WDR89: variants seen among roughly 807,000 people sequenced by gnomAD.
WDR89 encodes the protein WD repeat domain 89.
In WDR89, 17 loss-of-function variants were observed where a neutral mutation model predicts 29.1. That is an observed-to-expected ratio of 0.58 (90% CI 0.40 to 0.88). The LOEUF is 0.88. WDR89 is among the 40% of genes least tolerant of loss of function. WDR89 has a pLI of 0.00. For synonymous variants in WDR89, 138 were observed against 157.8 expected (o/e 0.87, Z 0.94); for missense variants, 396 against 456.3 (o/e 0.87, Z 1.20).
chr14:63,626,097 C>A (rs929280725), intron 1 of WDR89, among the ~76,000 whole-genome samples: 1 of 152,010 alleles, frequency 6.6e-6, no homozygotes, highest in South Asian at 2.1e-4. Context: ...CGTGATCCGC[C>A]CACCTTGGCC....
intron 1 of WDR89, among the ~76,000 whole-genome samples, chr14:63,630,293 A>C (rs1255432018): frequency 6.6e-6 from 1 of 151,774 alleles, no homozygotes; most frequent in African/African-American, 2.4e-5. Context: ...TAGAAGATGG[A>C]TTTAAATAGG....
rs955889895 is a variant in WDR89 at position 63,598,128 on chromosome 14, T to G, written c.*651A>C. On this transcript the variant is annotated 3_prime_UTR_variant, in exon 3 of 3. Coordinates refer to ENST00000620954, the MANE Select transcript of WDR89 (RefSeq NM_080666.4). The stretch of plus-strand genomic sequence containing the variant: ...CCTATTATAAATATTTTCATTTTTG[T>G]ATTTCACTTTGAGTCTCAATTTACC... The G allele has an allele frequency of 2.6e-5, 4 of 152,236 alleles. No homozygotes were observed. The highest frequency in any genetic ancestry group is 9.6e-5 in the African/African-American group (4 of 41,458). The allele number at this position is 152,236 out of a possible 1,614,324, so 9.4% of individuals were successfully genotyped here. A position where few individuals can be genotyped will look rare whatever the true frequency, so the allele number is the denominator to read the frequency against.
At chr14:63,612,410 C>T (rs1882047837) in intron 2 of WDR89, among the ~76,000 whole-genome samples, 1 of 151,666 alleles carries the variant, frequency 6.6e-6, no homozygotes, top group African/African-American at 2.4e-5. Context: ...ACTGCAACCT[C>T]TGCCTCCCGG....
At chr14:63,620,309 T>C (rs1882615184) in intron 2 of WDR89, among the ~76,000 whole-genome samples, 1 of 152,140 alleles carries the variant, frequency 6.6e-6, no homozygotes, top group South Asian at 2.1e-4. Context: ...TGCAGGACAT[T>C]ATATTATAAA....
chr14:63,640,337 T>C (rs964958282), intron 1 of WDR89, among the ~76,000 whole-genome samples: 1 of 152,176 alleles, frequency 6.6e-6, no homozygotes, highest in Admixed American at 6.5e-5. Context: ...GTAGTCAAGT[T>C]TGGTATTTAT....
Position 63,605,902 on chromosome 14 carries a change from T to C in WDR89, c.-31-5929A>G, listed in dbSNP as rs72716350. 3.7e-3 allele frequency among the ~76,000 whole-genome samples: 566 copies of C among 152,364 alleles called. 1 individual carries two copies. The highest frequency in any genetic ancestry group is 6.0e-3 in the Non-Finnish European group (407 of 68,040). Reference sequence around the variant, plus strand: ...TAGAAGATGACAACTCCATGTGTTATTGCTCCTAAAAACCTTCCAGTGGGA... The same window carrying C: ...TAGAAGATGACAACTCCATGTGTTACTGCTCCTAAAAACCTTCCAGTGGGA... On this transcript the variant is annotated intron_variant, in intron 2 of 2. Coordinates refer to ENST00000620954, the MANE Select transcript of WDR89 (RefSeq NM_080666.4).
At chr14:63,639,698 T>C (rs776666867) in intron 1 of WDR89, among the ~76,000 whole-genome samples, 1 of 152,188 alleles carries the variant, frequency 6.6e-6, no homozygotes, top group Non-Finnish European at 1.5e-5. Context: ...TGGAAATCAC[T>C]GAAAATGTAG....
At chr14:63,603,651 C>T (rs1198226289) in intron 2 of WDR89, among the ~76,000 whole-genome samples, 2 of 152,148 alleles carry the variant, frequency 1.3e-5, no homozygotes, top group Non-Finnish European at 2.9e-5. Flanking sequence ...TTTTGATGCT[C>T]AAAGTGTCTG....
At chr14:63,626,155 A>G (rs1246243066) in intron 1 of WDR89, among the ~76,000 whole-genome samples, 1 of 152,122 alleles carries the variant, frequency 6.6e-6, no homozygotes, top group Non-Finnish European at 1.5e-5. Flanking sequence ...CCCACCCATG[A>G]AGGTAAAAAG....
intron 1 of WDR89, among the ~76,000 whole-genome samples, chr14:63,628,053 T>A (rs1883179551): frequency 6.6e-6 from 1 of 152,096 alleles, no homozygotes; most frequent in Non-Finnish European, 1.5e-5. Flanking sequence ...CCAGGCAACA[T>A]AGCGAGATTC....
chr14:63,622,622 C>A (rs890458563), intron 2 of WDR89, among the ~76,000 whole-genome samples: 2 of 151,892 alleles, frequency 1.3e-5, no homozygotes, highest in Non-Finnish European at 2.9e-5. Context: ...CCAAAAGTAG[C>A]CAGGCATGGT....
At chr14:63,625,859 C>CTT (rs60153501) in intron 1 of WDR89, among the ~76,000 whole-genome samples, 9 of 142,858 alleles carry the variant, frequency 6.3e-5, no homozygotes, top group African/African-American at 1.5e-4. Flanking sequence ...TAGAAGAGGA[C>CTT]TTTTTTTTTT....
intron 2 of WDR89, among the ~76,000 whole-genome samples, chr14:63,619,817 C>T (rs2139536084): frequency 6.6e-6 from 1 of 151,974 alleles, no homozygotes; most frequent in Non-Finnish European, 1.5e-5. Flanking sequence ...TCAGCCTGGC[C>T]AACATAGTGA....
At chr14:63,640,820 G>A (rs1177040434) in intron 1 of WDR89, among the ~76,000 whole-genome samples, 3 of 149,334 alleles carry the variant, frequency 2.0e-5, no homozygotes, top group Admixed American at 6.6e-5. Flanking sequence ...GAAAACGGCC[G>A]GGCACGGTGG....
intron 1 of WDR89, chr14:63,641,246 G>A (rs1446975658): frequency 6.6e-6 from 1 of 152,202 alleles, no homozygotes; most frequent in Non-Finnish European, 1.5e-5. Flanking sequence ...ACACAAGAAT[G>A]AGTAATGTCT....
At chr14:63,618,843 C>G (rs1882488133) in intron 2 of WDR89, among the ~76,000 whole-genome samples, 1 of 152,068 alleles carries the variant, frequency 6.6e-6, no homozygotes, top group Admixed American at 6.6e-5. Context: ...CATAAAAAAT[C>G]TGAAGAATCT....
At chr14:63,609,048 G>C (rs1012767710) in intron 2 of WDR89, among the ~76,000 whole-genome samples, 1 of 151,862 alleles carries the variant, frequency 6.6e-6, no homozygotes, top group African/African-American at 2.4e-5. Flanking sequence ...GGAGGCAGAG[G>C]CTGCAGTGAG....
intron 2 of WDR89, among the ~76,000 whole-genome samples, chr14:63,620,637 C>G (rs2139538524): frequency 6.6e-6 from 1 of 152,186 alleles, no homozygotes; most frequent in African/African-American, 2.4e-5. Context: ...GTAATCTCAA[C>G]ACTTTGGGAG....
intron 1 of WDR89, among the ~76,000 whole-genome samples, chr14:63,628,820 G>A (rs1003748867): frequency 6.6e-6 from 1 of 152,016 alleles, no homozygotes; most frequent in Admixed American, 6.6e-5. Flanking sequence ...AAATTAGCCA[G>A]GCATGGTGAC....
Sources: gnomAD v4.1 joint callset for allele counts (sites outside exome capture counted in the v4.1 genomes callset) on GRCh38, gnomAD v4.1.1 for gene constraint, MANE v1.5 for transcripts, NCBI Gene and HGNC (gene_info 2026-07-23, HGNC 2026-07-21) for gene names.